LDLRAD3: variants seen among roughly 807,000 people sequenced by gnomAD.
LDLRAD3 encodes the protein low density lipoprotein receptor class A domain containing 3, also known as low-density lipoprotein receptor class A domain-containing protein 3.
LDLRAD3 carries 20 observed loss-of-function variants against 29.4 expected under a neutral mutation model. The observed-to-expected ratio is 0.68, with a 90% CI of 0.48 to 0.99. LDLRAD3 has a LOEUF of 0.99. LDLRAD3 is among the 50% of genes least tolerant of loss of function. The probability of loss-of-function intolerance (pLI) is 0.00; values close to 1 mark genes in which losing one functional copy is unlikely to be tolerated. For synonymous variants in LDLRAD3, 157 were observed against 192.7 expected, an observed-to-expected ratio of 0.81 and a Z score of 1.53; for missense variants, 420 against 454.3, an observed-to-expected ratio of 0.92 and a Z score of 0.69.
rs768787016 is a variant in LDLRAD3, at chr11:36,070,196, T to C, written c.194-11457T>C. Among the ~76,000 whole-genome samples, 19 of 152,356 alleles carry C rather than the reference T, an allele frequency of 1.2e-4. No individual in the cohort carries two copies. In the South Asian group the frequency reaches 3.9e-3, roughly 32 times the overall value. ...TAGAATGCTTAGGAATATTTTGATA[T>C]TGGCCAAACAGGGGCAGATTCTTTA... On this transcript the variant is annotated intron_variant, in intron 2 of 5. Transcript: ENST00000315571.
At chr11:36,216,350 G>T (rs1168495885) in intron 4 of LDLRAD3, among the ~76,000 whole-genome samples, 1 of 152,232 alleles carries the variant, frequency 6.6e-6, no homozygotes, top group Non-Finnish European at 1.5e-5. Context: ...TAGCACTGAG[G>T]TTGAGGAAAT....
intron 4 of LDLRAD3, among the ~76,000 whole-genome samples, chr11:36,104,081 C>T (rs184616327): frequency 6.6e-4 from 100 of 152,318 alleles, no homozygotes; most frequent in Non-Finnish European, 8.8e-4. Context: ...GATGATGGAG[C>T]CACTCTAGCA....
At chr11:36,103,504 G>T (rs371442045) in intron 4 of LDLRAD3, among the ~76,000 whole-genome samples, 1 of 152,106 alleles carries the variant, frequency 6.6e-6, no homozygotes, top group Non-Finnish European at 1.5e-5. Context: ...CTCCCAAAGT[G>T]CTGGGATTAC....
chr11:36,197,952 G>A (rs1855059927), intron 4 of LDLRAD3: 1 of 152,028 alleles, frequency 6.6e-6, no homozygotes, highest in Non-Finnish European at 1.5e-5. Context: ...TCAGGAGGCT[G>A]AGGCAAGAGG....
chr11:36,107,751 C>T (rs928081445), intron 4 of LDLRAD3, among the ~76,000 whole-genome samples: 1 of 152,116 alleles, frequency 6.6e-6, no homozygotes, highest in Non-Finnish European at 1.5e-5. Flanking sequence ...CTCCTTCCAG[C>T]TTTGTGTAAG....
chr11:36,128,117 C>CATACATATATATATATATATATATATAT (rs1391537319), intron 4 of LDLRAD3, among the ~76,000 whole-genome samples: 1 of 98,950 alleles, frequency 1.0e-5, no homozygotes, highest in Non-Finnish European at 2.3e-5. Context: ...GTTGTTTTTA[C>CATACATATATATATATATATATATATAT]ATATATATAT....
At chr11:36,182,166 G>A (rs532101367) in intron 4 of LDLRAD3, among the ~76,000 whole-genome samples, 7 of 152,126 alleles carry the variant, frequency 4.6e-5, no homozygotes, top group Non-Finnish European at 1.0e-4. Context: ...GGAGAATGAA[G>A]GTAAAGAAAT....
chr11:36,005,100 A>T lies in LDLRAD3; in HGVS notation c.47-31003A>T, dbSNP rs1326582873. 2.6e-5 allele frequency among the ~76,000 whole-genome samples: 4 copies of T among 152,328 alleles called. No individual in the cohort carries two copies. The East Asian group carries it at 7.7e-4, about 29-fold the overall frequency. ...ATTGACATTCAGCTCCATTTTACTT[A>T]TGCAAACTTCTGCAGCAGGGTTGAA... On this transcript the variant is annotated intron_variant, in intron 1 of 5. Coordinates refer to ENST00000315571, the MANE Select transcript of LDLRAD3 (RefSeq NM_174902.4).
At chr11:36,004,047 G>A (rs764595822) in intron 1 of LDLRAD3, among the ~76,000 whole-genome samples, 6 of 152,124 alleles carry the variant, frequency 3.9e-5, no homozygotes, top group Non-Finnish European at 8.8e-5. Context: ...AGACTTGGGT[G>A]GGGGCACACA....
At chr11:36,050,779 A>T (rs564963566) in intron 2 of LDLRAD3, among the ~76,000 whole-genome samples, 347 of 152,272 alleles carry the variant, frequency 2.3e-3, no homozygotes, top group Non-Finnish European at 4.3e-3. Flanking sequence ...ATCCATTCAA[A>T]TACCACTAAC....
At chr11:36,224,102 T>C (rs1259519577) in intron 4 of LDLRAD3, among the ~76,000 whole-genome samples, 2 of 149,020 alleles carry the variant, frequency 1.3e-5, no homozygotes, top group African/African-American at 2.4e-5. Flanking sequence ...AATTATATAA[T>C]AATAATTATT....
At chr11:36,113,882 C>T (rs1433974697) in intron 4 of LDLRAD3, among the ~76,000 whole-genome samples, 3 of 152,228 alleles carry the variant, frequency 2.0e-5, no homozygotes, top group East Asian at 3.9e-4. Context: ...CCATTTTGGC[C>T]AGGCCGGTCT....
chr11:36,087,132 A>G (rs1853207984), intron 3 of LDLRAD3, among the ~76,000 whole-genome samples: 2 of 152,046 alleles, frequency 1.3e-5, no homozygotes. Flanking sequence ...TCATAAATAA[A>G]CTCTAAGAAA....
At chr11:35,949,392 G>A (rs879293556) in intron 1 of LDLRAD3, among the ~76,000 whole-genome samples, 3 of 152,176 alleles carry the variant, frequency 2.0e-5, no homozygotes, top group African/African-American at 4.8e-5. Context: ...CAAGCTGCCA[G>A]ATTGCCTTGG....
At chr11:36,056,783 G>A (rs1852627497) in intron 2 of LDLRAD3, among the ~76,000 whole-genome samples, 1 of 152,170 alleles carries the variant, frequency 6.6e-6, no homozygotes, top group Admixed American at 6.5e-5. Flanking sequence ...AAAATTAGCA[G>A]CAAGCATTCT....
intron 1 of LDLRAD3, among the ~76,000 whole-genome samples, chr11:36,006,612 C>T (rs1851888845): frequency 6.6e-6 from 1 of 152,180 alleles, no homozygotes. Context: ...GGTTCCATGA[C>T]TGTCTGATTA....
At chr11:36,067,646 G>A (rs1431755325) in intron 2 of LDLRAD3, among the ~76,000 whole-genome samples, 2 of 152,078 alleles carry the variant, frequency 1.3e-5, no homozygotes, top group East Asian at 3.9e-4. Flanking sequence ...AACCCAGGCA[G>A]GCTGACATCT....
intron 2 of LDLRAD3, among the ~76,000 whole-genome samples, chr11:36,078,302 C>T (rs1853049956): frequency 6.6e-6 from 1 of 152,196 alleles, no homozygotes; most frequent in Admixed American, 6.5e-5. Context: ...AGCATGTCTG[C>T]CTCCTGCTGC....
intron 2 of LDLRAD3, among the ~76,000 whole-genome samples, chr11:36,037,396 A>G (rs1590219325): frequency 6.6e-6 from 1 of 151,542 alleles, no homozygotes; most frequent in South Asian, 2.1e-4. Flanking sequence ...GCTCACTGCA[A>G]CCCCCACCTC....
Sources: allele counts gnomAD v4.1 joint callset (sites outside exome capture counted in the v4.1 genomes callset), GRCh38; gene constraint gnomAD v4.1.1; transcripts MANE v1.5; gene names NCBI Gene and HGNC (gene_info 2026-07-23, HGNC 2026-07-21).